The following VPS37C variants were observed in gnomAD, a reference collection of about 807,000 sequenced individuals.
The protein encoded by VPS37C is vacuolar protein sorting-associated protein 37C.
VPS37C carries 9 observed loss-of-function variants against 16.1 expected under a neutral mutation model. The ratio of observed to expected loss-of-function variants is 0.56; its 90% CI spans 0.34 to 0.97. The LOEUF is 0.97. Among genes scored for constraint, VPS37C ranks in the 50% least tolerant of loss-of-function variants. VPS37C has a pLI of 0.02. For synonymous variants in VPS37C, 207 were observed against 206.4 expected (o/e 1.00, Z -0.02); for missense variants, 479 against 472.7 (o/e 1.01, Z -0.12).
In VPS37C at chr11:61,130,833, CCTGT is replaced by C; in HGVS notation, c.*983_*986del. Reference sequence around the variant, plus strand: ...AGTAAAGTTAGGGCCTCTTTTGATGCCTGTCTTAGGATGGACACTGGGGGTGGGA... The same window carrying C: ...AGTAAAGTTAGGGCCTCTTTTGATGCCTTAGGATGGACACTGGGGGTGGGA... On this transcript the variant is annotated 3_prime_UTR_variant, in exon 5 of 5. Coordinates refer to ENST00000301765, the MANE Select transcript of VPS37C (RefSeq NM_017966.5). 2.3e-6 allele frequency: 1 copy of C among 438,344 alleles called. No individual in the cohort carries two copies. The highest frequency in any genetic ancestry group is 4.5e-6 in the Non-Finnish European group (1 of 219,928). The allele number at this position is 438,344 out of a possible 1,614,324, so 27.2% of individuals were successfully genotyped here. A position where few individuals can be genotyped will look rare whatever the true frequency, so the allele number is the denominator to read the frequency against.
intron 1 of VPS37C, among the ~76,000 whole-genome samples, chr11:61,155,592 A>G (rs1853365322): frequency 6.6e-6 from 1 of 150,512 alleles, no homozygotes; most frequent in African/African-American, 2.4e-5. Context: ...TAAAGCACTG[A>G]AAAAAAAAAT....
intron 1 of VPS37C, among the ~76,000 whole-genome samples, chr11:61,151,734 C>T (rs1193009557): frequency 3.9e-5 from 6 of 152,206 alleles, no homozygotes; most frequent in Admixed American, 3.9e-4. Context: ...TCCTCCAGAG[C>T]TGGCATCAGT....
At chr11:61,148,578 T>TAA (rs148831092) in intron 1 of VPS37C, among the ~76,000 whole-genome samples, 1 of 143,600 alleles carries the variant, frequency 7.0e-6, no homozygotes, top group Non-Finnish European at 1.5e-5. Flanking sequence ...CACAGGAGGT[T>TAA]AAAAAAAAAA....
intron 4 of VPS37C, 56 bp downstream of exon 4, chr11:61,133,199 T>G: frequency 1.3e-6 from 2 of 1,587,606 alleles, no homozygotes; most frequent in South Asian, 2.2e-5. Context: ...CAAGGGCCCC[T>G]GCTGCAGGGA....
chr11:61,157,542 G>A (rs896767783), intron 1 of VPS37C, among the ~76,000 whole-genome samples: 2 of 152,066 alleles, frequency 1.3e-5, no homozygotes, highest in African/African-American at 4.8e-5. Context: ...TATCTTCTTT[G>A]AAGAAATATC....
rs1357860850 is a variant in VPS37C, at chr11:61,138,722, C to A, written c.93+15G>T. The A allele has an allele frequency of 3.1e-6, 5 of 1,613,656 alleles. No homozygotes were observed. The highest frequency in any genetic ancestry group is 1.3e-5 in the African/African-American group (1 of 74,920). ...CTGCTGGCCTCTGTTGGGTCCCATA[C>A]CAGCCTCCCTCTACCTCAGGGGACT... is the stretch of plus-strand genomic sequence containing the variant. On this transcript the variant is annotated intron_variant, in intron 2 of 4. Transcript: ENST00000301765.
intron 1 of VPS37C, among the ~76,000 whole-genome samples, chr11:61,155,202 G>T (rs1287338936): frequency 6.6e-6 from 1 of 151,882 alleles, no homozygotes; most frequent in Non-Finnish European, 1.5e-5. Context: ...AAAATAAACA[G>T]ACCAGGTGTG....
At chr11:61,141,297 G>C (rs1225396428) in intron 1 of VPS37C, among the ~76,000 whole-genome samples, 1 of 152,004 alleles carries the variant, frequency 6.6e-6, no homozygotes, top group African/African-American at 2.4e-5. Flanking sequence ...GAACCTGGGA[G>C]GTGGAGGTTA....
In VPS37C at chr11:61,130,882, A is replaced by C. The variant is rs902747978; in HGVS notation, c.*938T>G. 2 of 404,038 alleles carry C rather than the reference A, an allele frequency of 5.0e-6. No individual in the cohort carries two copies. The highest frequency in any genetic ancestry group is 9.6e-6 in the Non-Finnish European group (2 of 208,780). The allele number at this position is 404,038 out of a possible 1,614,324, so 25.0% of individuals were successfully genotyped here. ...GTGGGAGGATTACATCAACAGAGTG[A>C]GAAGGGGAGGGGAAGGGAGGGGGCT... On this transcript the variant is annotated 3_prime_UTR_variant, in exon 5 of 5. Transcript: ENST00000301765.
At chr11:61,136,731 T>C (rs1861382680) in intron 2 of VPS37C, among the ~76,000 whole-genome samples, 2 of 152,234 alleles carry the variant, frequency 1.3e-5, no homozygotes, top group South Asian at 4.1e-4. Flanking sequence ...CTCATACAGA[T>C]ATATAGCTAG....
chr11:61,155,814 C>T (rs1044912007), intron 1 of VPS37C, among the ~76,000 whole-genome samples: 4 of 152,110 alleles, frequency 2.6e-5, no homozygotes, highest in East Asian at 1.9e-4. Context: ...AAATGTTAAA[C>T]GAACAAGTAA....
In VPS37C at chr11:61,138,863, G is replaced by A. The variant is rs185271051; in HGVS notation, c.-6-28C>T. The A allele has an allele frequency of 4.8e-4, 769 of 1,607,792 alleles. 8 individuals carry two copies. The East Asian group carries it at 0.013, about 27-fold the overall frequency. On this transcript the variant is annotated intron_variant, in intron 1 of 4. Coordinates refer to ENST00000301765, the MANE Select transcript of VPS37C (RefSeq NM_017966.5). The stretch of plus-strand genomic sequence containing the variant: ...GTGAACACAGTGACACCAAAGTAAC[G>A]AACAGGCAGCCCAAGACGAAGGGAC...
At chr11:61,141,196 C>G (rs2134637834) in intron 1 of VPS37C, among the ~76,000 whole-genome samples, 1 of 152,188 alleles carries the variant, frequency 6.6e-6, no homozygotes, top group South Asian at 2.1e-4. Context: ...TGTTGAAACC[C>G]TGTCTCTACT....
chr11:61,131,880 G>A lies in VPS37C; in HGVS notation c.1008C>T (p.Pro336=), dbSNP rs767456966. 1.5e-5 allele frequency: 19 copies of A among 1,271,948 alleles called. No individual in the cohort carries two copies. The highest frequency in any genetic ancestry group is 1.3e-4 in the East Asian group (4 of 31,900). 78.8% of individuals were successfully genotyped at this position (1,271,948 alleles called of 1,614,324 possible). A position where few individuals can be genotyped will look rare whatever the true frequency, so the allele number is the denominator to read the frequency against. The change falls in exon 5 of 5, where the codon CCC becomes CCT. Residue 336 remains proline, a synonymous_variant. Coordinates refer to ENST00000301765, the MANE Select transcript of VPS37C (RefSeq NM_017966.5). ...GGAACCCATAGGGAGGGGCGGGCCC[G>A]GGGGGATAAGGGGGCTGCAGGGGCA... ...PSVPLQPPYP[P]GPAPPYGFPP... is the part of the protein sequence containing the mutation.
chr11:61,133,779 G>A (rs1861314172), intron 3 of VPS37C, among the ~76,000 whole-genome samples: 3 of 152,154 alleles, frequency 2.0e-5, no homozygotes, highest in Admixed American at 1.3e-4. Context: ...CAAGGGTAAC[G>A]GCAGCAGCAA....
intron 4 of VPS37C, 142 bp downstream of exon 4, chr11:61,133,113 A>C (rs1861302674): frequency 1.1e-6 from 1 of 907,638 alleles, no homozygotes; most frequent in Non-Finnish European, 1.7e-6. Flanking sequence ...CCTCCCCAGG[A>C]CTAAAGATGT....
At chr11:61,147,025 T>C (rs77885469) in intron 1 of VPS37C, among the ~76,000 whole-genome samples, 156 of 152,220 alleles carry the variant, frequency 1.0e-3, no homozygotes, top group African/African-American at 3.5e-3. Context: ...GAAATCTACA[T>C]CTAGGTGCAT....
chr11:61,133,245 G>T lies in VPS37C; in HGVS notation c.348+10C>A. On this transcript the variant is annotated intron_variant, in intron 4 of 4. Coordinates refer to ENST00000301765, the MANE Select transcript of VPS37C (RefSeq NM_017966.5). ...GTCCAGGGAAGAGGGGTGTCGCCTC[G>T]CCCTCTCACCTCGGACTCTTCTTCG... The T allele has an allele frequency of 6.2e-7, 1 of 1,613,790 alleles. No individual in the cohort carries two copies. Among genetic ancestry groups the T allele is most frequent in the Non-Finnish European group, 8.5e-7 (1 of 1,179,898 alleles).
In VPS37C at chr11:61,136,309, G is replaced by A. The variant is rs560485995; in HGVS notation, c.94-2102C>T. 2.6e-5 allele frequency among the ~76,000 whole-genome samples: 4 copies of A among 152,092 alleles called. No individual in the cohort carries two copies. In the South Asian group the frequency reaches 8.3e-4, roughly 32 times the overall value. On this transcript the variant is annotated intron_variant, in intron 2 of 4. Transcript: ENST00000301765. Reference sequence around the variant, plus strand: ...GCCTCCCTTGCTCCCTTGTAGCTGGGACTACAGGCACGTGCCACCACGCCT... The same window carrying A: ...GCCTCCCTTGCTCCCTTGTAGCTGGAACTACAGGCACGTGCCACCACGCCT...
Sources: allele counts gnomAD v4.1 joint callset (sites outside exome capture counted in the v4.1 genomes callset), GRCh38; gene constraint gnomAD v4.1.1; transcripts MANE v1.5; gene names NCBI Gene and HGNC (gene_info 2026-07-23, HGNC 2026-07-21).